The following QRICH2 variants were observed in gnomAD, a reference collection of about 807,000 sequenced individuals.
The protein encoded by QRICH2 is glutamine-rich protein 2.
QRICH2 carries 119 observed loss-of-function variants against 168.3 expected under a neutral mutation model. The observed-to-expected ratio is 0.71, with a 90% CI of 0.61 to 0.82. The LOEUF (loss-of-function observed/expected upper bound fraction) is 0.82. Among genes scored for constraint, QRICH2 ranks in the 40% least tolerant of loss-of-function variants. The pLI is 0.00. For missense variants in QRICH2, 2,241 were observed against 2,491.6 expected (o/e 0.90, Z 2.14); for synonymous variants, 894 against 951.2 (o/e 0.94, Z 1.11).
intron 17 of QRICH2, among the ~76,000 whole-genome samples, chr17:76,276,245 C>T (rs1026043751): frequency 2.0e-5 from 3 of 151,932 alleles, no homozygotes; most frequent in African/African-American, 4.8e-5. Context: ...TCTAGAAAGG[C>T]GCATACACAG....
rs375716162 is a variant in QRICH2, at chr17:76,291,195, C to T, written c.3532G>A (p.Glu1178Lys). 10 of 1,614,092 alleles carry T rather than the reference C, an allele frequency of 6.2e-6. No homozygotes were observed. The African/African-American group carries it at 1.1e-4, about 17-fold the overall frequency. The change falls in exon 4 of 19, where the codon GAG (glutamate) becomes AAG (lysine). Residue 1178 changes from glutamate (E) to lysine (K), a missense_variant. Physicochemically the swap from Glu to Lys is moderately conservative, Grantham distance 56. Transcript: ENST00000680821. The stretch of plus-strand genomic sequence containing the variant: ...ATTCTACGCAGTGAATTGCGTCGCT[C>T]ACTCAGGACTTCACTCGAGACTTCG... ...GSEVSSEVLS[E>K]RRNSLRRMSS...
rs2071040292 is a variant in QRICH2 at position 76,293,031 on chromosome 17, CTGTGCCAGGT to C, written c.1686_1695del (p.Pro563SerfsTer5). 6.2e-7 allele frequency: 1 copy of C among 1,614,134 alleles called. No homozygotes were observed. Among genetic ancestry groups the C allele is most frequent in the African/African-American group, 1.3e-5 (1 of 74,954 alleles). On this transcript the variant is annotated frameshift_variant, in exon 4 of 19. Transcript: ENST00000680821. LOFTEE classifies it high-confidence loss of function. ...CCAGACTGGATCAAATCATGCTGCT[CTGTGCCAGGT>C]TGTATGAAGCCAGTTGCTTCCAAAC...
chr17:76,295,900 C>T (rs1181310752), intron 3 of QRICH2, among the ~76,000 whole-genome samples: 5 of 152,216 alleles, frequency 3.3e-5, no homozygotes, highest in Non-Finnish European at 1.5e-5. Flanking sequence ...TTAACAGGGG[C>T]TGGATTTACC....
Position 76,304,498 on chromosome 17 carries a change from C to T in QRICH2, c.622G>A (p.Val208Ile), listed in dbSNP as rs2070958705. The change falls in exon 3 of 19, where the codon GTT becomes ATT. Residue 208 changes from valine to isoleucine, a missense_variant. Val to Ile is a conservative substitution (Grantham distance 29). This residue lies in a region of QRICH2 where 2,047 missense variants were observed against 2,303.8 expected (regional missense o/e 0.89). Coordinates refer to ENST00000680821, the MANE Select transcript of QRICH2 (RefSeq NM_001388453.1). The stretch of plus-strand genomic sequence containing the variant: ...ATGGTGACTTCTTCTGCACCAGGAA[C>T]CAAACTCAGCTTCCGGCTGACTAGT... ...LELVSRKLSL[V>I]PGAEEVTMVT... The T allele has an allele frequency of 6.2e-7, 1 of 1,613,772 alleles. No homozygotes were observed.
At chr17:76,284,168 C>CAAAAAAAAAAAAAAAAAAAAAA (rs61553346) in intron 7 of QRICH2, among the ~76,000 whole-genome samples, 15 of 62,746 alleles carry the variant, frequency 2.4e-4, no homozygotes, top group Admixed American at 7.1e-4. Flanking sequence ...ACTCTGTCTC[C>CAAAAAAAAAAAAAAAAAAAAAA]AAAAAAAAAA....
intron 3 of QRICH2, among the ~76,000 whole-genome samples, chr17:76,297,031 C>T (rs906548012): frequency 3.9e-5 from 6 of 152,204 alleles, no homozygotes; most frequent in Non-Finnish European, 7.3e-5. Flanking sequence ...ATTCAAGTAG[C>T]ACAGAGCAGA....
At chr17:76,285,976 T>C (rs142324441) in intron 7 of QRICH2, among the ~76,000 whole-genome samples, 3 of 151,572 alleles carry the variant, frequency 2.0e-5, no homozygotes, top group South Asian at 2.1e-4. Flanking sequence ...ATTGAGACCA[T>C]CCTGGCTAAC....
chr17:76,276,903 G>A (rs1421280379), intron 16 of QRICH2, 136 bp from the exon 17 acceptor site: 6 of 746,638 alleles, frequency 8.0e-6, no homozygotes, highest in Admixed American at 3.0e-5. Flanking sequence ...AGGGTGGAGC[G>A]AGAAGGTGGA....
In QRICH2 at chr17:76,277,194, T is replaced by G; in HGVS notation, c.5234A>C (p.Tyr1745Ser). Residue 1745 changes from tyrosine (Y) to serine (S), a missense_variant, in exon 16 of 19, where the codon TAT becomes TCT. Tyr to Ser is a moderately radical substitution (Grantham distance 144, BLOSUM62 -2). Coordinates refer to ENST00000680821, the MANE Select transcript of QRICH2 (RefSeq NM_001388453.1). Reference sequence around the variant, plus strand: ...GGCAATCTGGATCTCTTCAGTAGGATACAGGCCCCGGGGAAGGTGCTGCGG... The same window carrying G: ...GGCAATCTGGATCTCTTCAGTAGGAGACAGGCCCCGGGGAAGGTGCTGCGG... The part of the protein sequence containing the change: ...SRPQHLPRGL[Y>S]PTEEIQIAMK... The G allele has an allele frequency of 6.2e-7, 1 of 1,602,258 alleles. No homozygotes were observed. The highest frequency in any genetic ancestry group is 8.5e-7 in the Non-Finnish European group (1 of 1,176,710).
rs770174436 is a variant in QRICH2 at position 76,293,318 on chromosome 17, G to A, written c.1409C>T (p.Ala470Val). 6.2e-7 allele frequency: 1 copy of A among 1,614,070 alleles called. No homozygotes were observed. The highest frequency in any genetic ancestry group is 8.5e-7 in the Non-Finnish European group (1 of 1,180,044). ...AGGAAATGTCATACCATGCTGATAT[G>A]CACTGACTGAAACCAGACCATGTTG... ...TDQHGLVSVS[A>V]YQHGMTFPGT... The change falls in exon 4 of 19, where the codon GCA becomes GTA. Residue 470 changes from alanine to valine, a missense_variant. Physicochemically the swap from Ala to Val is moderately conservative, Grantham distance 64. Around this residue, in one of 3 missense-constraint regions of QRICH2, gnomAD observed 2,047 missense variants for 2,303.8 expected, o/e 0.89. Coordinates refer to ENST00000680821, the MANE Select transcript of QRICH2 (RefSeq NM_001388453.1).
intron 3 of QRICH2, among the ~76,000 whole-genome samples, chr17:76,298,961 TAC>T (rs2070851929): frequency 6.6e-6 from 1 of 152,076 alleles, no homozygotes; most frequent in Admixed American, 6.6e-5. Context: ...AAACTTTCTT[TAC>T]AGTCTGTCCT....
chr17:76,287,894 C>G lies in QRICH2; in HGVS notation c.3802G>C (p.Glu1268Gln). The change falls in exon 6 of 19, where the codon GAA becomes CAA. Residue 1268 changes from glutamate to glutamine, a missense_variant. Physicochemically the swap from Glu to Gln is conservative, Grantham distance 29. Transcript: ENST00000680821. ...KEVWQEKAKVERLQRILEGEG... is the reference protein window; with the variant it reads ...KEVWQEKAKVQRLQRILEGEG... ...CCTTCCAGGATCCTCTGCAGCCTTT[C>G]CACCTACAAACCCAGTGAATGAGGA... 1 of 1,613,524 alleles carries G rather than the reference C, an allele frequency of 6.2e-7. No homozygotes were observed. Among genetic ancestry groups the G allele is most frequent in the East Asian group, 2.2e-5 (1 of 44,884 alleles).
At position 76,281,736 on chromosome 17, in the gene QRICH2, G is replaced by C; in HGVS notation, c.4263+128C>G. On this transcript the variant is annotated intron_variant, in intron 8 of 18. Transcript: ENST00000680821. This position sits in a 1 kb window ranked among gnomAD's most constrained non-coding sequence, Gnocchi z 4.4. ...GGACTCTTGTGGGATCTGGCTAAAG[G>C]GCTCCGCCACGGAGAGCTGACCTTG... 1 of 1,168,528 alleles carries C rather than the reference G, an allele frequency of 8.6e-7. No individual in the cohort carries two copies. The highest frequency in any genetic ancestry group is 2.0e-5 in the Admixed American group (1 of 49,800). 72.4% of individuals were successfully genotyped at this position (1,168,528 alleles called of 1,614,324 possible).
intron 1 of QRICH2, among the ~76,000 whole-genome samples, chr17:76,305,458 T>C (rs12232502): frequency 0.13 from 19,365 of 152,130 alleles, 2,893 homozygotes; most frequent in African/African-American, 0.37. Flanking sequence ...GAGCCCCTGC[T>C]TTCTACCTGG....
intron 1 of QRICH2, among the ~76,000 whole-genome samples, 180 bp from the exon 2 acceptor site, chr17:76,305,121 T>C (rs959902681): frequency 2.0e-5 from 3 of 150,862 alleles, no homozygotes; most frequent in Non-Finnish European, 2.9e-5. Flanking sequence ...GTGGCTCTTA[T>C]GGAAAGGGAG....
intron 6 of QRICH2, 36 bp downstream of exon 6, chr17:76,287,764 C>A: frequency 6.6e-7 from 1 of 1,513,648 alleles, no homozygotes; most frequent in East Asian, 2.3e-5. Flanking sequence ...ATTCGTGATG[C>A]CAGGGGACCA....
Position 76,291,514 on chromosome 17 carries a change from T to C in QRICH2, c.3213A>G (p.Thr1071=). Residue 1071 remains threonine (T), a synonymous_variant, in exon 4 of 19, where the codon ACA becomes ACG. Transcript: ENST00000680821. Reference sequence around the variant, plus strand: ...ATGCCACATGCTGTTGATCTGGGTGTGTAGATCCCAAACCTGTACTCAGTG... The same window carrying C: ...ATGCCACATGCTGTTGATCTGGGTGCGTAGATCCCAAACCTGTACTCAGTG... ...PIPLSTGLGS[T]HPDQQHVASP... is the part of the protein sequence containing the mutation. The C allele has an allele frequency of 6.2e-7, 1 of 1,614,014 alleles. No homozygotes were observed. Among genetic ancestry groups the C allele is most frequent in the Non-Finnish European group, 8.5e-7 (1 of 1,179,976 alleles).
intron 3 of QRICH2, among the ~76,000 whole-genome samples, chr17:76,296,235 A>C (rs983138791): frequency 3.3e-5 from 5 of 152,148 alleles, no homozygotes; most frequent in African/African-American, 1.2e-4. Flanking sequence ...AAAAACAAAC[A>C]AACCCAACAA....
In QRICH2 at chr17:76,307,151, G is replaced by A. The variant is rs1012153755; in HGVS notation, c.534+314C>T. Among the ~76,000 whole-genome samples, 1 of 152,174 alleles carries A rather than the reference G, an allele frequency of 6.6e-6. No homozygotes were observed. The highest frequency in any genetic ancestry group is 2.4e-5 in the African/African-American group (1 of 41,446). ...GGGCGAACCTCTCCCGTAAACAGGG[G>A]CTAGGAAGGAGGGGGTGGGATGGGG... On this transcript the variant is annotated intron_variant, in intron 1 of 18. Coordinates refer to ENST00000680821, the MANE Select transcript of QRICH2 (RefSeq NM_001388453.1). The surrounding 1 kb of genome is among the most constrained non-coding windows in gnomAD (Gnocchi z 5.3).
Sources: allele counts gnomAD v4.1 joint callset (sites outside exome capture counted in the v4.1 genomes callset), GRCh38; gene constraint gnomAD v4.1.1; regional missense constraint gnomAD v4.1.1; non-coding constraint Gnocchi (gnomAD v3.1); transcripts MANE v1.5; gene names NCBI Gene and HGNC (gene_info 2026-07-23, HGNC 2026-07-21).